OTUD7A: variants seen among roughly 807,000 people sequenced by gnomAD.
OTUD7A encodes the protein OTU domain-containing protein 7A.
OTUD7A carries 12 observed loss-of-function variants against 65.7 expected under a neutral mutation model. The observed-to-expected ratio is 0.18, with a 90% confidence interval of 0.12 to 0.30. The LOEUF is 0.30. Among genes scored for constraint, OTUD7A ranks in the 10% least tolerant of loss-of-function variants. The pLI is 1.00. For synonymous variants in OTUD7A, 641 were observed against 586.3 expected (o/e 1.09, Z -1.35); for missense variants, 1,148 against 1,304.8 (o/e 0.88, Z 1.85).
intron 2 of OTUD7A, among the ~76,000 whole-genome samples, chr15:31,656,674 G>T (rs965090671): frequency 2.6e-5 from 4 of 152,002 alleles, no homozygotes; most frequent in African/African-American, 9.7e-5. Context: ...CACTGGGATG[G>T]GTGCTGCTTG....
At chr15:31,859,400 C>T (rs1897662324) in intron 1 of OTUD7A, among the ~76,000 whole-genome samples, 1 of 152,154 alleles carries the variant, frequency 6.6e-6, no homozygotes, top group Non-Finnish European at 1.5e-5. Context: ...TTAATTTAGC[C>T]ACCACATTAT....
chr15:31,593,303 C>A (rs1889805753), intron 3 of OTUD7A, among the ~76,000 whole-genome samples: 3 of 151,868 alleles, frequency 2.0e-5, no homozygotes, highest in African/African-American at 7.3e-5. Flanking sequence ...TCTGTTTCAC[C>A]AGAGAGCCTA....
Position 31,481,940 on chromosome 15 carries a change from T to A in OTUD7A, c.*1354A>T, listed in dbSNP as rs1452390166. On this transcript the variant is annotated 3_prime_UTR_variant, in exon 13 of 13. Transcript: ENST00000307050. ...GCTCTCACAGGTTTTATAGTATTCT[T>A]TGTTAGTGAGGATTTTACCCATCTT... The A allele has an allele frequency of 6.6e-6, 1 of 152,172 alleles. No individual in the cohort carries two copies. Among genetic ancestry groups the A allele is most frequent in the African/African-American group, 2.4e-5 (1 of 41,430 alleles). 9.4% of individuals were successfully genotyped at this position (152,172 alleles called of 1,614,324 possible).
chr15:31,672,064 T>C (rs1258347039), intron 1 of OTUD7A, among the ~76,000 whole-genome samples: 5 of 152,238 alleles, frequency 3.3e-5, no homozygotes, highest in Non-Finnish European at 7.3e-5. Context: ...ATAAACTAGA[T>C]TGAGCTATGG....
At chr15:31,532,880 G>A (rs1887674820) in intron 5 of OTUD7A, among the ~76,000 whole-genome samples, 1 of 148,606 alleles carries the variant, frequency 6.7e-6, no homozygotes, top group Admixed American at 6.7e-5. Context: ...CTTGTAGGGA[G>A]CCGAAATCGC....
chr15:31,622,802 G>C (rs1475240178), intron 3 of OTUD7A, among the ~76,000 whole-genome samples: 1 of 152,196 alleles, frequency 6.6e-6, no homozygotes, highest in African/African-American at 2.4e-5. Flanking sequence ...TTCCATTGCT[G>C]GTGAGGAGCT....
At chr15:31,747,853 T>G (rs1374640635) in intron 1 of OTUD7A, among the ~76,000 whole-genome samples, 2 of 152,210 alleles carry the variant, frequency 1.3e-5, no homozygotes, top group Non-Finnish European at 2.9e-5. Context: ...GCCTTTTTGA[T>G]GCAATGCACT....
At chr15:31,551,650 T>C (rs1436045260) in intron 5 of OTUD7A, among the ~76,000 whole-genome samples, 1 of 152,192 alleles carries the variant, frequency 6.6e-6, no homozygotes, top group African/African-American at 2.4e-5. Context: ...CCACGACATT[T>C]TGATGAAAGA....
chr15:31,631,747 T>C (rs1891165020), intron 3 of OTUD7A, among the ~76,000 whole-genome samples: 1 of 152,234 alleles, frequency 6.6e-6, no homozygotes, highest in African/African-American at 2.4e-5. Flanking sequence ...AAATTTGGTC[T>C]TTTCACATAG....
At chr15:31,714,992 C>T (rs1198660971) in intron 1 of OTUD7A, among the ~76,000 whole-genome samples, 1 of 125,788 alleles carries the variant, frequency 7.9e-6, no homozygotes, top group Admixed American at 8.4e-5. Flanking sequence ...AAAAATTAGC[C>T]GGGTGTGGTG....
chr15:31,569,915 C>T lies in OTUD7A; in HGVS notation c.331+103G>A, dbSNP rs138336276. 4.7e-3 allele frequency: 5,938 copies of T among 1,256,560 alleles called. 25 individuals carry two copies. Among genetic ancestry groups the T allele is most frequent in the East Asian group, 0.016 (662 of 42,276 alleles). The allele number at this position is 1,256,560 out of a possible 1,614,324, so 77.8% of individuals were successfully genotyped here. On this transcript the variant is annotated intron_variant, in intron 4 of 12. Transcript: ENST00000307050. ...ACTGAGAGGCCAATATGTCTGCATCCGGGAGGTGATGACCCCACCATTCTT... is the reference window on the plus strand; with the variant it reads ...ACTGAGAGGCCAATATGTCTGCATCTGGGAGGTGATGACCCCACCATTCTT...
intron 8 of OTUD7A, among the ~76,000 whole-genome samples, chr15:31,512,994 A>T (rs2041779873): frequency 6.6e-6 from 1 of 152,244 alleles, no homozygotes; most frequent in Admixed American, 6.5e-5. Context: ...TCAGCCTCCC[A>T]AGTAGCTGGG....
chr15:31,724,353 G>A (rs1303318592), intron 1 of OTUD7A, among the ~76,000 whole-genome samples: 2 of 152,166 alleles, frequency 1.3e-5, no homozygotes, highest in Non-Finnish European at 2.9e-5. Flanking sequence ...AATAGTTCTT[G>A]GGGTTATTTT....
rs1595625896 is a variant in OTUD7A at position 31,580,508 on chromosome 15, T to C, written c.152-10311A>G. 2.0e-5 allele frequency among the ~76,000 whole-genome samples: 3 copies of C among 152,344 alleles called. 1 individual carries two copies. Among genetic ancestry groups the C allele is most frequent in the East Asian group, 3.9e-4 (2 of 5,182 alleles). On this transcript the variant is annotated intron_variant, in intron 3 of 12. Coordinates refer to ENST00000307050, the MANE Select transcript of OTUD7A (RefSeq NM_001382637.1). ...GCAAAATGAATGCTAGGTGGACACCTGTATTAGTCTGTTCTCATGCTGCTA... is the reference window on the plus strand; with the variant it reads ...GCAAAATGAATGCTAGGTGGACACCCGTATTAGTCTGTTCTCATGCTGCTA...
intron 1 of OTUD7A, among the ~76,000 whole-genome samples, chr15:31,826,490 C>G (rs1198172160): frequency 6.6e-6 from 1 of 152,174 alleles, no homozygotes. Flanking sequence ...CACGAAACCA[C>G]TTTTTTTCCC....
At position 31,558,759 on chromosome 15, in the gene OTUD7A, C is replaced by T. The variant is rs934295384; in HGVS notation, c.550+210G>A. 10 of 604,842 alleles carry T rather than the reference C, an allele frequency of 1.7e-5. No individual in the cohort carries two copies. In the African/African-American group the frequency reaches 1.9e-4, roughly 11 times the overall value. 37.5% of individuals were successfully genotyped at this position (604,842 alleles called of 1,614,324 possible). The stretch of plus-strand genomic sequence containing the variant: ...GGGAAAACTCGAGAGATTTCAGCAC[C>T]ACCTAGTTATCGGCCCCTCCATCCA... On this transcript the variant is annotated intron_variant, in intron 5 of 12. Coordinates refer to ENST00000307050, the MANE Select transcript of OTUD7A (RefSeq NM_001382637.1).
chr15:31,647,393 TA>T (rs916624287), intron 3 of OTUD7A, among the ~76,000 whole-genome samples: 1 of 152,236 alleles, frequency 6.6e-6, no homozygotes, highest in African/African-American at 2.4e-5. Context: ...TGATGAATTA[TA>T]AAATAAGGCA....
intron 1 of OTUD7A, among the ~76,000 whole-genome samples, chr15:31,758,933 A>G (rs1400872706): frequency 6.6e-6 from 1 of 152,220 alleles, no homozygotes; most frequent in Admixed American, 6.5e-5. Flanking sequence ...CTGGGATGCT[A>G]TCTAGGCATT....
intron 8 of OTUD7A, among the ~76,000 whole-genome samples, chr15:31,516,000 A>T (rs554750078): frequency 7.9e-5 from 12 of 151,948 alleles, no homozygotes; most frequent in African/African-American, 2.7e-4. Flanking sequence ...TCATCCTTCA[A>T]TTCTTCCATT....
Sources: allele counts gnomAD v4.1 joint callset (sites outside exome capture counted in the v4.1 genomes callset), GRCh38; gene constraint gnomAD v4.1.1; transcripts MANE v1.5; gene names NCBI Gene and HGNC (gene_info 2026-07-23, HGNC 2026-07-21).